FCRL4: variants seen among roughly 807,000 people sequenced by gnomAD.
The protein encoded by FCRL4 is Fc receptor-like protein 4.
FCRL4 carries 43 observed loss-of-function variants against 64.1 expected under a neutral mutation model. The ratio of observed to expected loss-of-function variants is 0.67; its 90% CI spans 0.53 to 0.87. FCRL4 has a LOEUF of 0.87. Among genes scored for constraint, FCRL4 ranks in the 40% least tolerant of loss-of-function variants. The pLI is 0.00. For missense variants in FCRL4, 656 were observed against 613.5 expected (o/e 1.07, Z -0.73); for synonymous variants, 253 against 239.8 (o/e 1.05, Z -0.51).
chr1:157,578,551 A>C lies in FCRL4; in HGVS notation c.1361-9T>G. The C allele has an allele frequency of 6.2e-7, 1 of 1,612,540 alleles. No homozygotes were observed. The highest frequency in any genetic ancestry group is 8.5e-7 in the Non-Finnish European group (1 of 1,178,530). On this transcript the variant is annotated splice_polypyrimidine_tract_variant and intron_variant, in intron 9 of 11. Transcript: ENST00000271532. ...TCCCTTTTTGGGGTGTACTGGAAAG[A>C]AAAGACATTTTCAAGGCTGTTCCTG...
intron 6 of FCRL4, among the ~76,000 whole-genome samples, chr1:157,584,113 T>C (rs909360919): frequency 6.6e-6 from 1 of 152,198 alleles, no homozygotes; most frequent in Non-Finnish European, 1.5e-5. Flanking sequence ...TTCACTGTTA[T>C]CTCCTCAGAG....
In FCRL4 at chr1:157,575,507, C is replaced by T. The variant is rs755685686; in HGVS notation, c.*17G>A. 10 of 1,600,096 alleles carry T rather than the reference C, an allele frequency of 6.2e-6. No homozygotes were observed. The highest frequency in any genetic ancestry group is 2.2e-5 in the South Asian group (2 of 90,432). On this transcript the variant is annotated 3_prime_UTR_variant, in exon 12 of 12. Transcript: ENST00000271532. Reference sequence around the variant, plus strand: ...AGAAATCACATGAGTAGGACGTTCTCGTAACTTTTCATTCTCTTAACTTTC... The same window carrying T: ...AGAAATCACATGAGTAGGACGTTCTTGTAACTTTTCATTCTCTTAACTTTC...
At chr1:157,586,532 G>A (rs1286442758) in intron 5 of FCRL4, 77 bp from the exon 6 acceptor site, 1 of 1,397,964 alleles carries the variant, frequency 7.2e-7, no homozygotes, top group African/African-American at 1.4e-5. Flanking sequence ...GTTGGGCAGG[G>A]TTACTTTTTA....
At chr1:157,578,584 T>G (rs770512454) in intron 9 of FCRL4, 42 bp from the exon 10 acceptor site, 7 of 1,546,086 alleles carry the variant, frequency 4.5e-6, no homozygotes, top group Non-Finnish European at 6.3e-6. Flanking sequence ...CTGTTAGTAT[T>G]AAAGTGCTAC....
chr1:157,593,332 G>T (rs900873103), intron 2 of FCRL4, among the ~76,000 whole-genome samples: 2 of 152,214 alleles, frequency 1.3e-5, no homozygotes, highest in South Asian at 4.2e-4. Flanking sequence ...TAGTTCCTCC[G>T]TCTCTCTCAG....
intron 1 of FCRL4, 99 bp downstream of exon 1, chr1:157,597,815 G>T (rs1402245157): frequency 6.0e-6 from 5 of 837,520 alleles, no homozygotes; most frequent in Non-Finnish European, 9.8e-6. Context: ...GTTCTAAAAT[G>T]GGAGTAAAAA....
chr1:157,589,671 G>C lies in FCRL4; in HGVS notation c.53-213C>G, dbSNP rs568482690. ...TATAGCAGCAGACTGGCCTTTCAGA[G>C]GGGGGGCAGCCCTGGCAGGATCCAC... On this transcript the variant is annotated intron_variant, in intron 2 of 11. Transcript: ENST00000271532. Among the ~76,000 whole-genome samples, 6 of 152,076 alleles carry C rather than the reference G, an allele frequency of 3.9e-5. No individual in the cohort carries two copies. In the South Asian group the frequency reaches 6.2e-4, roughly 16 times the overall value.
chr1:157,596,296 G>A, intron 2 of FCRL4, 32 bp downstream of exon 2: 1 of 1,606,572 alleles, frequency 6.2e-7, no homozygotes, highest in Non-Finnish European at 8.5e-7. Context: ...GGTATCTAGA[G>A]ACATAAAGGA....
At chr1:157,589,089 G>A (rs1652774104) in intron 3 of FCRL4, 115 bp downstream of exon 3, 1 of 1,157,398 alleles carries the variant, frequency 8.6e-7, no homozygotes, top group Non-Finnish European at 1.2e-6. Context: ...GAAACTAAAG[G>A]AGCTGGGATC....
At chr1:157,576,925 C>T (rs138418821) in intron 10 of FCRL4, among the ~76,000 whole-genome samples, 3 of 152,260 alleles carry the variant, frequency 2.0e-5, no homozygotes, top group African/African-American at 7.2e-5. Context: ...ATGTGTAATA[C>T]TTCATTTTCA....
chr1:157,575,846 C>T lies in FCRL4; in HGVS notation c.1430-116G>A. On this transcript the variant is annotated intron_variant, in intron 10 of 11. Coordinates refer to ENST00000271532, the MANE Select transcript of FCRL4 (RefSeq NM_031282.3). The stretch of plus-strand genomic sequence containing the variant: ...CTGGGCCCTGTCCACCTCATCCCCT[C>T]CACCTCATCCCCTAACATGTCCTGC... 5 of 886,776 alleles carry T rather than the reference C, an allele frequency of 5.6e-6. No homozygotes were observed. The South Asian group carries it at 6.7e-5, about 12-fold the overall frequency. The allele number at this position is 886,776 out of a possible 1,614,324, so 54.9% of individuals were successfully genotyped here. A position where few individuals can be genotyped will look rare whatever the true frequency, so the allele number is the denominator to read the frequency against.
intron 5 of FCRL4, among the ~76,000 whole-genome samples, 192 bp downstream of exon 5, chr1:157,587,084 A>G (rs188335313): frequency 5.2e-4 from 79 of 152,380 alleles, no homozygotes; most frequent in Admixed American, 1.7e-3. Context: ...TTTCAAAGGA[A>G]GACTGAGTTT....
rs537969645 is a variant in FCRL4 at position 157,598,025 on chromosome 1, A to G, written c.-81T>C. ...CAGATTGCCAAAGCAGCACTTGCCT[A>G]CACCAGCACCAGCAGTGAGCTCAGT... On this transcript the variant is annotated 5_prime_UTR_variant, in exon 1 of 12. An upstream open reading frame in the 5' UTR loses its in-frame stop. Coordinates refer to ENST00000271532, the MANE Select transcript of FCRL4 (RefSeq NM_031282.3). 1 of 1,005,044 alleles carries G rather than the reference A, an allele frequency of 9.9e-7. No homozygotes were observed. Among genetic ancestry groups the G allele is most frequent in the African/African-American group, 1.6e-5 (1 of 63,512 alleles). The allele number at this position is 1,005,044 out of a possible 1,614,324, so 62.3% of individuals were successfully genotyped here.
Position 157,574,480 on chromosome 1 carries a change from T to C in FCRL4, c.*1044A>G, listed in dbSNP as rs563923250. On this transcript the variant is annotated 3_prime_UTR_variant, in exon 12 of 12. Transcript: ENST00000271532. The stretch of plus-strand genomic sequence containing the variant: ...TGGTTTTTGTCAATTATTTAACCAG[T>C]AGGTGTATCATGAAATATCCATACA... The C allele has an allele frequency of 2.1e-4, 44 of 211,832 alleles. No individual in the cohort carries two copies. The highest frequency in any genetic ancestry group is 7.9e-4 in the African/African-American group (35 of 44,292). 13.1% of individuals were successfully genotyped at this position (211,832 alleles called of 1,614,324 possible).
rs866369910 is a variant in FCRL4 at position 157,580,469 on chromosome 1, C to A, written c.1250-121G>T. 29 of 1,029,754 alleles carry A rather than the reference C, an allele frequency of 2.8e-5. 1 individual carries two copies. The Middle Eastern group carries it at 6.3e-4, about 22-fold the overall frequency. The allele number at this position is 1,029,754 out of a possible 1,614,324, so 63.8% of individuals were successfully genotyped here. A position where few individuals can be genotyped will look rare whatever the true frequency, so the allele number is the denominator to read the frequency against. ...CAGTCAATTCAAACACCTGCCCAGT[C>A]CTGGGTTTTCATGAAAATGAGGTGA... On this transcript the variant is annotated intron_variant, in intron 7 of 11. Coordinates refer to ENST00000271532, the MANE Select transcript of FCRL4 (RefSeq NM_031282.3).
chr1:157,574,947 C>G lies in FCRL4; in HGVS notation c.*577G>C. ...CTCTTCTGATGTCCTCTTTTAAATT[C>G]CTCTCTCTGTAAACCATTCCAGATG... is the stretch of plus-strand genomic sequence containing the variant. On this transcript the variant is annotated 3_prime_UTR_variant, in exon 12 of 12. Transcript: ENST00000271532. The G allele has an allele frequency of 4.6e-6, 1 of 215,398 alleles. No individual in the cohort carries two copies. The highest frequency in any genetic ancestry group is 9.4e-6 in the Non-Finnish European group (1 of 106,910). The allele number at this position is 215,398 out of a possible 1,614,324, so 13.3% of individuals were successfully genotyped here. A position where few individuals can be genotyped will look rare whatever the true frequency, so the allele number is the denominator to read the frequency against.
intron 1 of FCRL4, 93 bp downstream of exon 1, chr1:157,597,820 TA>T: frequency 2.1e-6 from 2 of 958,438 alleles, no homozygotes; most frequent in Non-Finnish European, 1.6e-6. Flanking sequence ...AAAATGGGAG[TA>T]AAAATCCATG....
chr1:157,579,782 C>G (rs1652520678), intron 8 of FCRL4, among the ~76,000 whole-genome samples: 1 of 152,056 alleles, frequency 6.6e-6, no homozygotes, highest in Admixed American at 6.5e-5. Flanking sequence ...TCTGTACAAT[C>G]CAAGAAGGAA....
At chr1:157,580,238 C>G (rs1652529212) in intron 8 of FCRL4, 83 bp downstream of exon 8, 1 of 1,455,166 alleles carries the variant, frequency 6.9e-7, no homozygotes, top group African/African-American at 1.4e-5. Flanking sequence ...AGAGGTATAA[C>G]TTGACCTAAT....
Sources: gnomAD v4.1 joint callset for allele counts (sites outside exome capture counted in the v4.1 genomes callset) on GRCh38, gnomAD v4.1.1 for gene constraint, MANE v1.5 for transcripts, NCBI Gene and HGNC (gene_info 2026-07-23, HGNC 2026-07-21) for gene names.